The following PLCB4 variants were observed in gnomAD, a reference collection of about 807,000 sequenced individuals.
PLCB4 encodes the protein phospholipase C beta 4.
Under a neutral mutation model 178.8 loss-of-function variants are expected in PLCB4, and 77 were observed. The ratio of observed to expected loss-of-function variants is 0.43; its 90% CI spans 0.36 to 0.52. The LOEUF (loss-of-function observed/expected upper bound fraction) is 0.52, where lower values mean the gene tolerates loss of function less well. Among genes scored for constraint, PLCB4 ranks in the 20% least tolerant of loss-of-function variants. PLCB4 has a pLI of 0.00. For missense variants in PLCB4, 1,024 were observed against 1,453.4 expected (o/e 0.70, Z 4.80); for synonymous variants, 496 against 490.8 (o/e 1.01, Z -0.14).
At chr20:9,425,766 C>T (rs2040956657) in intron 28 of PLCB4, among the ~76,000 whole-genome samples, 1 of 152,164 alleles carries the variant, frequency 6.6e-6, no homozygotes, top group South Asian at 2.1e-4. Flanking sequence ...CATTCAAATA[C>T]AATTTATTCA....
chr20:9,266,835 A>G (rs2094354239), intron 3 of PLCB4, among the ~76,000 whole-genome samples: 1 of 152,198 alleles, frequency 6.6e-6, no homozygotes, highest in Non-Finnish European at 1.5e-5. Context: ...ATTATAAATT[A>G]GAAGATTAAT....
chr20:9,341,622 A>G (rs1302501495), intron 7 of PLCB4, among the ~76,000 whole-genome samples: 1 of 151,856 alleles, frequency 6.6e-6, no homozygotes, highest in Non-Finnish European at 1.5e-5. Context: ...GAGGTGGAGG[A>G]GGTGGAAGTG....
rs534136004 is a variant in PLCB4 at position 9,086,469 on chromosome 20, C to T, written c.-134-9818C>T. 7.9e-5 allele frequency among the ~76,000 whole-genome samples: 12 copies of T among 152,118 alleles called. No individual in the cohort carries two copies. In the South Asian group the frequency reaches 2.5e-3, roughly 32 times the overall value. ...ACCTTGGTCAAGTCATTGACCTCGT[C>T]CTCCTTATCATCATTTTTTATATCT... On this transcript the variant is annotated intron_variant, in intron 1 of 39. Transcript: ENST00000378473.
intron 3 of PLCB4, among the ~76,000 whole-genome samples, chr20:9,253,669 A>G (rs556679895): frequency 5.9e-5 from 9 of 152,322 alleles, no homozygotes; most frequent in Admixed American, 5.9e-4. Flanking sequence ...TGAGGTATGC[A>G]TAAAGTCTGT....
intron 3 of PLCB4, among the ~76,000 whole-genome samples, chr20:9,256,493 C>T (rs2094237665): frequency 6.6e-6 from 1 of 152,190 alleles, no homozygotes; most frequent in Admixed American, 6.5e-5. Flanking sequence ...GGTTACAAGG[C>T]TACTCCTAAT....
At chr20:9,077,884 C>CT (rs2089945747) in intron 1 of PLCB4, among the ~76,000 whole-genome samples, 1 of 152,152 alleles carries the variant, frequency 6.6e-6, no homozygotes, top group Admixed American at 6.5e-5. Flanking sequence ...ATCTCTTTTG[C>CT]TTTTTACTTA....
chr20:9,242,323 T>G (rs1163308298), intron 3 of PLCB4, among the ~76,000 whole-genome samples: 3 of 151,696 alleles, frequency 2.0e-5, no homozygotes, highest in Non-Finnish European at 1.5e-5. Flanking sequence ...ACAGAAAGAG[T>G]CATTATGAAG....
chr20:9,170,048 T>C (rs1012540683), intron 2 of PLCB4, among the ~76,000 whole-genome samples: 1 of 152,226 alleles, frequency 6.6e-6, no homozygotes, highest in Admixed American at 6.5e-5. Flanking sequence ...GCTTGAACTT[T>C]CAACAAGTGG....
chr20:9,361,933 C>T (rs555441945), intron 7 of PLCB4, among the ~76,000 whole-genome samples: 10 of 152,176 alleles, frequency 6.6e-5, no homozygotes, highest in South Asian at 2.1e-4. Flanking sequence ...TTTAAATAGC[C>T]ATATGTGTCT....
At chr20:9,133,190 T>C (rs1293040750) in intron 2 of PLCB4, among the ~76,000 whole-genome samples, 1 of 152,176 alleles carries the variant, frequency 6.6e-6, no homozygotes, top group Non-Finnish European at 1.5e-5. Context: ...TTTGCTTATG[T>C]TGTTCTCATA....
chr20:9,210,121 G>GA, intron 2 of PLCB4, among the ~76,000 whole-genome samples: 1 of 152,148 alleles, frequency 6.6e-6, no homozygotes, highest in East Asian at 1.9e-4. Context: ...ATACACGAAG[G>GA]AAACCAGGCA....
At chr20:9,445,933 T>C (rs1288659548) in intron 32 of PLCB4, among the ~76,000 whole-genome samples, 1 of 152,218 alleles carries the variant, frequency 6.6e-6, no homozygotes, top group Non-Finnish European at 1.5e-5. Context: ...TCTCTTTTAT[T>C]GAGCAGACAC....
chr20:9,253,390 G>A (rs2094200975), intron 3 of PLCB4, among the ~76,000 whole-genome samples: 1 of 152,118 alleles, frequency 6.6e-6, no homozygotes, highest in South Asian at 2.1e-4. Flanking sequence ...TCTCCAGGTA[G>A]CAAACAAGGT....
rs1212751937 is a variant in PLCB4, at chr20:9,419,924, C to T, written c.2154+15C>T. 2.0e-6 allele frequency: 3 copies of T among 1,488,548 alleles called. No homozygotes were observed. The highest frequency in any genetic ancestry group is 2.8e-6 in the Non-Finnish European group (3 of 1,065,572). 92.2% of individuals were successfully genotyped at this position (1,488,548 alleles called of 1,614,324 possible). ...GCTCAGTGCAGGTAAGGCCCCTGCT[C>T]ATCACAAGGTAGTATAAATGTATAC... On this transcript the variant is annotated intron_variant, in intron 26 of 39. Coordinates refer to ENST00000378473, the MANE Select transcript of PLCB4 (RefSeq NM_001377142.1).
intron 3 of PLCB4, among the ~76,000 whole-genome samples, chr20:9,264,935 AG>A (rs1222464567): frequency 6.6e-6 from 1 of 152,188 alleles, no homozygotes; most frequent in Non-Finnish European, 1.5e-5. Flanking sequence ...GTGGGCAGAC[AG>A]GCTTGTCAAA....
chr20:9,074,923 G>A (rs1427761737), intron 1 of PLCB4, among the ~76,000 whole-genome samples: 1 of 151,386 alleles, frequency 6.6e-6, no homozygotes, highest in Admixed American at 6.6e-5. Flanking sequence ...GTGTTCAGGG[G>A]CAGTCACCAT....
At chr20:9,242,049 G>A (rs1334179966) in intron 3 of PLCB4, among the ~76,000 whole-genome samples, 3 of 152,318 alleles carry the variant, frequency 2.0e-5, no homozygotes, top group Admixed American at 6.5e-5. Flanking sequence ...GCAGAAGCAT[G>A]CAAGGCCTTG....
intron 32 of PLCB4, among the ~76,000 whole-genome samples, chr20:9,445,074 G>C (rs1236818898): frequency 6.6e-6 from 1 of 152,200 alleles, no homozygotes; most frequent in African/African-American, 2.4e-5. Flanking sequence ...ACAAGAGCTA[G>C]TTGCAAATTG....
chr20:9,317,192 G>T (rs751635769), intron 4 of PLCB4, among the ~76,000 whole-genome samples: 11 of 152,072 alleles, frequency 7.2e-5, no homozygotes, highest in Non-Finnish European at 1.3e-4. Context: ...TGATGGTAAT[G>T]GTAGTAATGA....
Sources: allele counts gnomAD v4.1 joint callset (sites outside exome capture counted in the v4.1 genomes callset), GRCh38; gene constraint gnomAD v4.1.1; transcripts MANE v1.5; gene names NCBI Gene and HGNC (gene_info 2026-07-23, HGNC 2026-07-21).